Variants in HECW2 observed in about 807,000 individuals in gnomAD.
HECW2 encodes the protein HECT, C2 and WW domain containing E3 ubiquitin protein ligase 2.
Under a neutral mutation model 175.2 loss-of-function variants are expected in HECW2, and 61 were observed. The ratio of observed to expected loss-of-function variants is 0.35; its 90% CI spans 0.28 to 0.43. HECW2 has a LOEUF of 0.43. HECW2 is among the 20% of genes least tolerant of loss of function. The pLI is 1.00. For missense variants in HECW2, 1,524 were observed against 2,000.5 expected, an observed-to-expected ratio of 0.76 and a Z score of 4.54; for synonymous variants, 671 against 731.0, an observed-to-expected ratio of 0.92 and a Z score of 1.32.
At position 196,322,496 on chromosome 2, in the gene HECW2, A is replaced by T; in HGVS notation, c.866T>A (p.Leu289Gln). 6.2e-7 allele frequency: 1 copy of T among 1,613,918 alleles called. No individual in the cohort carries two copies. Among genetic ancestry groups the T allele is most frequent in the Non-Finnish European group, 8.5e-7 (1 of 1,179,926 alleles). ...GKLTIPVQRL[L>Q]ERQAIGDQML... ...TGATTACCCGATGGCTTGTCGCTCC[A>T]GCAGCCTCTGGACTGGAATGGTTAG... Residue 289 changes from leucine (L) to glutamine (Q), a missense_variant, in exon 7 of 29, where the codon CTG (leucine) becomes CAG (glutamine). Transcript: ENST00000644978.
chr2:196,587,080 T>C (rs1402244905), intron 1 of HECW2, among the ~76,000 whole-genome samples: 5 of 152,366 alleles, frequency 3.3e-5, no homozygotes, highest in Middle Eastern at 6.8e-3. Context: ...ATATGACTCA[T>C]ACTTATTTTG....
chr2:196,462,733 C>T (rs1351064445), intron 1 of HECW2, among the ~76,000 whole-genome samples: 3 of 151,922 alleles, frequency 2.0e-5, no homozygotes, highest in African/African-American at 7.3e-5. Context: ...TTTCAAGGCA[C>T]TTAACAATTC....
Position 196,531,385 on chromosome 2 carries a change from C to T in HECW2, c.-36+62123G>A, listed in dbSNP as rs528267713. Among the ~76,000 whole-genome samples, 5 of 152,194 alleles carry T rather than the reference C, an allele frequency of 3.3e-5. No individual in the cohort carries two copies. In the East Asian group the frequency reaches 5.8e-4, roughly 18 times the overall value. The stretch of plus-strand genomic sequence containing the variant: ...ATTATTAAATGTTTTTGGCCAGGTG[C>T]GGCAGCTCAGGCCTGTAATCCCAAC... On this transcript the variant is annotated intron_variant, in intron 1 of 28. Coordinates refer to ENST00000644978, the MANE Select transcript of HECW2 (RefSeq NM_001348768.2).
intron 21 of HECW2, among the ~76,000 whole-genome samples, chr2:196,237,616 C>T (rs1688301705): frequency 6.6e-6 from 1 of 152,128 alleles, no homozygotes; most frequent in African/African-American, 2.4e-5. Flanking sequence ...GGGCTGGTTC[C>T]ATATTTTGCA....
intron 3 of HECW2, among the ~76,000 whole-genome samples, chr2:196,342,408 A>G (rs1200630674): frequency 7.0e-6 from 1 of 142,208 alleles, no homozygotes; most frequent in Non-Finnish European, 1.6e-5. Flanking sequence ...CCGTTTCAAG[A>G]AAAAAAAAAA....
chr2:196,334,565 C>A, intron 3 of HECW2, 47 bp from the exon 4 acceptor site: 1 of 1,439,760 alleles, frequency 6.9e-7, no homozygotes, highest in South Asian at 1.2e-5. Flanking sequence ...TGAAACAAGT[C>A]ATGGAGGAAT....
chr2:196,522,281 C>A (rs1416976307), intron 1 of HECW2, among the ~76,000 whole-genome samples: 1 of 152,148 alleles, frequency 6.6e-6, no homozygotes, highest in East Asian at 1.9e-4. Context: ...TAAATGTCTT[C>A]TTTTGAGAAG....
chr2:196,351,759 A>G (rs1693178956), intron 2 of HECW2, among the ~76,000 whole-genome samples: 5 of 152,250 alleles, frequency 3.3e-5, no homozygotes, highest in Non-Finnish European at 7.3e-5. Flanking sequence ...GATTGGAACC[A>G]TAAAGATGCT....
At chr2:196,277,529 G>T (rs957309726) in intron 15 of HECW2, among the ~76,000 whole-genome samples, 15 of 152,144 alleles carry the variant, frequency 9.9e-5, no homozygotes, top group African/African-American at 3.6e-4. Context: ...CTGTTGGTGG[G>T]ACTGTAAATT....
At chr2:196,533,933 A>C (rs1688930384) in intron 1 of HECW2, among the ~76,000 whole-genome samples, 1 of 152,092 alleles carries the variant, frequency 6.6e-6, no homozygotes, top group Non-Finnish European at 1.5e-5. Flanking sequence ...GCTATGAACC[A>C]CCTTACCTAG....
At chr2:196,316,337 T>C (rs529386583) in intron 10 of HECW2, 1 of 152,364 alleles carries the variant, frequency 6.6e-6, no homozygotes, top group Admixed American at 6.5e-5. Flanking sequence ...CTCAGAATTG[T>C]AACCCTTTAA....
chr2:196,201,805 T>C (rs1392564855), intron 28 of HECW2, among the ~76,000 whole-genome samples: 3 of 152,170 alleles, frequency 2.0e-5, no homozygotes, highest in Non-Finnish European at 4.4e-5. Context: ...GTCTCTTCGA[T>C]ACTCTGTAGT....
At chr2:196,299,640 C>T (rs1690957305) in intron 13 of HECW2, among the ~76,000 whole-genome samples, 1 of 152,202 alleles carries the variant, frequency 6.6e-6, no homozygotes, top group South Asian at 2.1e-4. Context: ...TTAAAAACCA[C>T]AGCCTTGGGC....
chr2:196,379,898 C>A (rs1368357320), intron 2 of HECW2, among the ~76,000 whole-genome samples: 36 of 127,614 alleles, frequency 2.8e-4, no homozygotes, highest in African/African-American at 2.9e-4. Flanking sequence ...TATTCTCCAG[C>A]AAAAAAAAAA....
rs527604903 is a variant in HECW2, at chr2:196,343,581, C to A, written c.400+76G>T. The A allele has an allele frequency of 2.7e-4, 247 of 912,894 alleles. 1 individual carries two copies. The African/African-American group carries it at 3.6e-3, about 13-fold the overall frequency. The allele number at this position is 912,894 out of a possible 1,614,324, so 56.5% of individuals were successfully genotyped here. A position where few individuals can be genotyped will look rare whatever the true frequency, so the allele number is the denominator to read the frequency against. On this transcript the variant is annotated intron_variant, in intron 3 of 28. Transcript: ENST00000644978. ...AACCAAAGAATTTCAAAATAACATT[C>A]AAAAAGACTCCATAGAATTCTGCAT...
intron 1 of HECW2, 57 bp downstream of exon 1, chr2:196,593,451 G>C (rs1575708766): frequency 6.6e-6 from 1 of 152,030 alleles, no homozygotes. Context: ...GGTGCCGGGC[G>C]TCCGCTCCAG....
intron 1 of HECW2, among the ~76,000 whole-genome samples, chr2:196,560,038 T>C (rs1364849196): frequency 6.6e-6 from 1 of 152,168 alleles, no homozygotes; most frequent in Non-Finnish European, 1.5e-5. Context: ...CTAATTTGTA[T>C]ATGAATCACC....
chr2:196,570,887 C>T (rs537068901), intron 1 of HECW2, among the ~76,000 whole-genome samples: 2 of 152,306 alleles, frequency 1.3e-5, no homozygotes, highest in East Asian at 1.9e-4. Context: ...CCAGACTCTT[C>T]ACCCCATTTG....
chr2:196,432,305 T>G (rs1029141424), intron 2 of HECW2, among the ~76,000 whole-genome samples: 7 of 152,170 alleles, frequency 4.6e-5, no homozygotes, highest in Non-Finnish European at 1.0e-4. Flanking sequence ...AGCAACAATG[T>G]CTTCCTAATA....
Sources: allele counts gnomAD v4.1 joint callset (sites outside exome capture counted in the v4.1 genomes callset), GRCh38; gene constraint gnomAD v4.1.1; transcripts MANE v1.5; gene names NCBI Gene and HGNC (gene_info 2026-07-23, HGNC 2026-07-21).